NOL4: variants seen among roughly 807,000 people sequenced by gnomAD.
NOL4 encodes the protein nucleolar protein 4.
In NOL4, 17 loss-of-function variants were observed where a neutral mutation model predicts 75.9. That is an observed-to-expected ratio of 0.22 (90% CI 0.15 to 0.34). The LOEUF (loss-of-function observed/expected upper bound fraction) is 0.34. Ranked by LOEUF, NOL4 falls within the 10% of genes least tolerant of loss-of-function variation. The pLI, the probability that NOL4 is intolerant of heterozygous loss-of-function variation, is 1.00. For synonymous variants in NOL4, 292 were observed against 289.9 expected (o/e 1.01, Z -0.07); for missense variants, 614 against 793.5 (o/e 0.77, Z 2.72).
At chr18:34,167,350 A>G (rs1161120569) in intron 1 of NOL4, among the ~76,000 whole-genome samples, 2 of 152,066 alleles carry the variant, frequency 1.3e-5, no homozygotes, top group African/African-American at 4.8e-5. Context: ...ATATCCAGTT[A>G]CTAAGTGTTA....
At chr18:33,882,461 A>C (rs2064351280) in intron 10 of NOL4, among the ~76,000 whole-genome samples, 4 of 152,092 alleles carry the variant, frequency 2.6e-5, no homozygotes, top group Admixed American at 2.6e-4. Flanking sequence ...AAAAATGCTC[A>C]TCATCACTGG....
At chr18:33,993,906 G>C (rs1179801066) in intron 6 of NOL4, among the ~76,000 whole-genome samples, 1 of 151,526 alleles carries the variant, frequency 6.6e-6, no homozygotes, top group African/African-American at 2.4e-5. Flanking sequence ...TTTTTTAAAA[G>C]TGAAACACTT....
In NOL4 at chr18:33,964,710, T is replaced by C. The variant is rs2070441219; in HGVS notation, c.1057-6292A>G. ...GATGTAGGCCCAGCAATCTGTGTTT[T>C]AACATGACCTCCATGAGATTCTGAG... On this transcript the variant is annotated intron_variant, in intron 6 of 10. Coordinates refer to ENST00000261592, the MANE Select transcript of NOL4 (RefSeq NM_003787.5). 9.8e-5 allele frequency among the ~76,000 whole-genome samples: 15 copies of C among 152,290 alleles called. No homozygotes were observed. The South Asian group carries it at 3.1e-3, about 32-fold the overall frequency.
chr18:34,178,844 G>C (rs1254544992), intron 1 of NOL4, among the ~76,000 whole-genome samples: 1 of 151,590 alleles, frequency 6.6e-6, no homozygotes, highest in Non-Finnish European at 1.5e-5. Context: ...AAACCAACCT[G>C]TTTGGACAGC....
intron 1 of NOL4, among the ~76,000 whole-genome samples, chr18:34,173,872 G>C (rs1391772071): frequency 6.6e-6 from 1 of 152,166 alleles, no homozygotes; most frequent in East Asian, 1.9e-4. Context: ...CTGAACATGA[G>C]TGATATGTTC....
chr18:34,170,395 T>A (rs2032911157), intron 1 of NOL4, among the ~76,000 whole-genome samples: 1 of 152,040 alleles, frequency 6.6e-6, no homozygotes, highest in South Asian at 2.1e-4. Flanking sequence ...TTTCACCATG[T>A]TGGCCAGGCT....
At chr18:33,948,718 A>G (rs2069005209) in intron 8 of NOL4, among the ~76,000 whole-genome samples, 1 of 152,082 alleles carries the variant, frequency 6.6e-6, no homozygotes, top group Non-Finnish European at 1.5e-5. Context: ...AAATGTGCAT[A>G]AAGTCACTAG....
intron 9 of NOL4, among the ~76,000 whole-genome samples, chr18:33,898,525 T>A (rs1295548632): frequency 6.6e-6 from 1 of 152,182 alleles, no homozygotes; most frequent in East Asian, 1.9e-4. Flanking sequence ...CTTGTTCTAG[T>A]TAATGCACCA....
intron 1 of NOL4, among the ~76,000 whole-genome samples, chr18:34,187,843 T>C (rs1021838983): frequency 2.0e-5 from 3 of 152,220 alleles, no homozygotes; most frequent in Admixed American, 2.0e-4. Flanking sequence ...AACTCACTTG[T>C]GTAAATACCA....
At chr18:33,972,245 G>T (rs961214209) in intron 6 of NOL4, among the ~76,000 whole-genome samples, 4 of 150,544 alleles carry the variant, frequency 2.7e-5, no homozygotes, top group African/African-American at 7.3e-5. Flanking sequence ...AAAGCTAAAA[G>T]TAAATGTATA....
At chr18:34,196,767 A>C (rs2035358269) in intron 1 of NOL4, among the ~76,000 whole-genome samples, 1 of 152,052 alleles carries the variant, frequency 6.6e-6, no homozygotes, top group Non-Finnish European at 1.5e-5. Context: ...TAATTCCTTC[A>C]TCTACACTTA....
At chr18:33,855,766 G>A (rs1412948603) in intron 10 of NOL4, among the ~76,000 whole-genome samples, 2 of 152,014 alleles carry the variant, frequency 1.3e-5, no homozygotes, top group African/African-American at 4.8e-5. Flanking sequence ...GGATATTTAA[G>A]TTATAAATAA....
intron 6 of NOL4, among the ~76,000 whole-genome samples, chr18:33,982,544 A>G (rs1172569474): frequency 6.6e-6 from 1 of 152,086 alleles, no homozygotes; most frequent in Non-Finnish European, 1.5e-5. Flanking sequence ...CTAACAACAG[A>G]GCATCAAAAT....
intron 1 of NOL4, among the ~76,000 whole-genome samples, chr18:34,213,615 T>C (rs183238178): frequency 6.6e-6 from 1 of 152,284 alleles, no homozygotes; most frequent in East Asian, 1.9e-4. Flanking sequence ...ATTAATGTCA[T>C]GATCTCTGGA....
intron 8 of NOL4, among the ~76,000 whole-genome samples, chr18:33,957,115 A>C (rs2069708390): frequency 6.6e-6 from 1 of 152,182 alleles, no homozygotes; most frequent in Non-Finnish European, 1.5e-5. Flanking sequence ...CTGGACTCAC[A>C]AGATATTCCT....
chr18:33,926,185 C>G (rs1165604622), intron 9 of NOL4, among the ~76,000 whole-genome samples: 1 of 151,716 alleles, frequency 6.6e-6, no homozygotes, highest in Non-Finnish European at 1.5e-5. Flanking sequence ...CATGGTGAAA[C>G]CCTGTCTCTA....
At chr18:33,989,364 C>A (rs897689401) in intron 6 of NOL4, among the ~76,000 whole-genome samples, 2 of 151,548 alleles carry the variant, frequency 1.3e-5, no homozygotes, top group Non-Finnish European at 2.9e-5. Context: ...TAAAAAAATA[C>A]GAAAAATTTA....
chr18:33,878,055 T>C (rs1472977589), intron 10 of NOL4, among the ~76,000 whole-genome samples: 1 of 152,032 alleles, frequency 6.6e-6, no homozygotes, highest in Non-Finnish European at 1.5e-5. Context: ...CTAAGAACAA[T>C]GAAAGCCCAT....
intron 1 of NOL4, chr18:34,156,996 CA>C (rs1446643844): frequency 1.4e-4 from 21 of 152,150 alleles, no homozygotes; most frequent in African/African-American, 4.6e-4. Context: ...GGCCCTCCCC[CA>C]CTGCAGGATC....
Sources: gnomAD v4.1 joint callset for allele counts (sites outside exome capture counted in the v4.1 genomes callset) on GRCh38, gnomAD v4.1.1 for gene constraint, MANE v1.5 for transcripts, NCBI Gene and HGNC (gene_info 2026-07-23, HGNC 2026-07-21) for gene names.